SPATA31H1: variants seen among roughly 807,000 people sequenced by gnomAD.
SPATA31H1 encodes the protein SPATA31 subfamily H member 1, also known as spermatogenesis-associated protein 31H1.
chr2:27,555,813 G>A, the SPATA31H1 span, among the ~76,000 whole-genome samples: 1 of 151,836 alleles, frequency 6.6e-6, no homozygotes, highest in Non-Finnish European at 1.5e-5. Flanking sequence ...TGAATATAAT[G>A]CATCTTTTAT....
chr2:27,580,131 C>T, the SPATA31H1 span: 1 of 1,614,132 alleles, frequency 6.2e-7, no homozygotes, highest in Non-Finnish European at 8.5e-7. Flanking sequence ...AAGAGATAGA[C>T]CCGTCATACG....
At chr2:27,556,368 T>G in the SPATA31H1 span, among the ~76,000 whole-genome samples, 5 of 151,352 alleles carry the variant, frequency 3.3e-5, no homozygotes, top group Non-Finnish European at 2.9e-5. Flanking sequence ...ACAGTTACCA[T>G]ATACTCCCTG....
the SPATA31H1 span, chr2:27,581,394 A>G: frequency 6.2e-7 from 1 of 1,613,698 alleles, no homozygotes; most frequent in East Asian, 2.2e-5. Context: ...AAGCTGGCGC[A>G]GTCCGTCTCA....
At chr2:27,550,224 C>CTT in the SPATA31H1 span, among the ~76,000 whole-genome samples, 7 of 140,600 alleles carry the variant, frequency 5.0e-5, no homozygotes, top group South Asian at 2.2e-4. Flanking sequence ...AGTGGGGATT[C>CTT]TTTTTTTTTT....
At chr2:27,565,415 G>C in the SPATA31H1 span, 6,069 of 717,156 alleles carry the variant, frequency 8.5e-3, 242 homozygotes, top group African/African-American at 0.094. Flanking sequence ...TTCAGCTCAA[G>C]GTTAATAACA....
the SPATA31H1 span, among the ~76,000 whole-genome samples, chr2:27,543,022 G>A: frequency 6.6e-6 from 1 of 151,992 alleles, no homozygotes; most frequent in African/African-American, 2.4e-5. Flanking sequence ...GAACCTGGGA[G>A]GCGGAGGTTG....
chr2:27,581,970 A>G, the SPATA31H1 span: 9 of 1,613,732 alleles, frequency 5.6e-6, no homozygotes, highest in Non-Finnish European at 6.8e-6. Context: ...AAGCCATCAC[A>G]GTCCCTCTGA....
chr2:27,575,878 C>T, the SPATA31H1 span: 196 of 398,488 alleles, frequency 4.9e-4, no homozygotes, highest in African/African-American at 3.5e-3. This position sits in a 1 kb window ranked among gnomAD's most constrained non-coding sequence, Gnocchi z 4.1. Context: ...GGTATGAAAT[C>T]GCCTGAATTA....
chr2:27,579,622 T>C, the SPATA31H1 span: 2 of 1,614,180 alleles, frequency 1.2e-6, no homozygotes, highest in Non-Finnish European at 1.7e-6. Context: ...CATATGCCTG[T>C]CTCATGTGCA....
chr2:27,578,234 C>T, the SPATA31H1 span: 4 of 1,614,138 alleles, frequency 2.5e-6, no homozygotes, highest in Non-Finnish European at 3.4e-6. Context: ...CTTCAGAGCA[C>T]CACACAGGGC....
the SPATA31H1 span, chr2:27,582,452 TCAAA>T: frequency 1.2e-6 from 2 of 1,613,948 alleles, no homozygotes; most frequent in Non-Finnish European, 1.7e-6. Flanking sequence ...ATTTCAAGAA[TCAAA>T]CAACTCTCCT....
At chr2:27,553,942 C>T in the SPATA31H1 span, among the ~76,000 whole-genome samples, 1 of 151,838 alleles carries the variant, frequency 6.6e-6, no homozygotes, top group African/African-American at 2.4e-5. Context: ...GAAAAGAAAT[C>T]TCATTAGCTA....
the SPATA31H1 span, chr2:27,571,125 T>A: frequency 2.5e-6 from 1 of 398,278 alleles, no homozygotes; most frequent in Non-Finnish European, 4.4e-6. Flanking sequence ...AGGGCCACAT[T>A]TGGGAGATGT....
the SPATA31H1 span, among the ~76,000 whole-genome samples, chr2:27,543,347 G>A: frequency 8.6e-5 from 13 of 151,836 alleles, 1 homozygote; most frequent in Non-Finnish European, 1.8e-4. Flanking sequence ...TTTTATAATT[G>A]CAAAGTTATT....
chr2:27,576,746 G>C, the SPATA31H1 span: 12 of 1,613,920 alleles, frequency 7.4e-6, no homozygotes, highest in African/African-American at 1.6e-4. Flanking sequence ...CACAGCAACA[G>C]GATGTGAAAT....
the SPATA31H1 span, chr2:27,571,420 A>G: frequency 2.5e-6 from 1 of 398,512 alleles, no homozygotes. Flanking sequence ...GAAGATGTCA[A>G]ATCTGTGGAA....
the SPATA31H1 span, chr2:27,578,127 C>A: frequency 6.2e-7 from 1 of 1,613,958 alleles, no homozygotes; most frequent in Non-Finnish European, 8.5e-7. Flanking sequence ...GACCCCTGGA[C>A]CACCATTTCA....
the SPATA31H1 span, among the ~76,000 whole-genome samples, chr2:27,554,142 G>A: frequency 1.3e-5 from 2 of 151,902 alleles, no homozygotes; most frequent in Non-Finnish European, 2.9e-5. Context: ...CATTGTGTTC[G>A]TGATTACTTA....
the SPATA31H1 span, chr2:27,574,291 T>C: frequency 2.5e-6 from 1 of 398,520 alleles, no homozygotes; most frequent in Non-Finnish European, 4.4e-6. Flanking sequence ...GGACCACACT[T>C]ACAGACTGTG....
Sources: gnomAD v4.1 joint callset for allele counts (sites outside exome capture counted in the v4.1 genomes callset) on GRCh38, gnomAD v4.1.1 for gene constraint, Gnocchi (gnomAD v3.1) non-coding constraint, MANE v1.5 for transcripts, NCBI Gene and HGNC (gene_info 2026-07-23, HGNC 2026-07-21) for gene names.